Variants in MMRN2 observed in about 807,000 individuals in gnomAD.
MMRN2 encodes multimerin-2.
MMRN2 carries 53 observed loss-of-function variants against 68.8 expected under a neutral mutation model. The ratio of observed to expected loss-of-function variants is 0.77; its 90% CI spans 0.62 to 0.97. The LOEUF is 0.97. Among genes scored for constraint, MMRN2 ranks in the 50% least tolerant of loss-of-function variants. MMRN2 has a pLI of 0.00. For synonymous variants in MMRN2, 564 were observed against 551.6 expected (o/e 1.02, Z -0.32); for missense variants, 1,266 against 1,259.5 (o/e 1.01, Z -0.08).
chr10:86,952,391 G>T (rs1844157243), intron 1 of MMRN2, among the ~76,000 whole-genome samples: 1 of 152,210 alleles, frequency 6.6e-6, no homozygotes, highest in South Asian at 2.1e-4. Flanking sequence ...TGGAACATGG[G>T]CTCAGTATTG....
chr10:86,938,691 GC>G (rs144197918), intron 6 of MMRN2, among the ~76,000 whole-genome samples: 2,245 of 152,348 alleles, frequency 0.015, 62 homozygotes, highest in African/African-American at 0.052. Flanking sequence ...TAAAACCAAA[GC>G]CTTCAGAGGA....
chr10:86,953,559 G>A (rs1252745088), intron 1 of MMRN2, among the ~76,000 whole-genome samples: 1 of 152,148 alleles, frequency 6.6e-6, no homozygotes, highest in African/African-American at 2.4e-5. Flanking sequence ...GGGAGGAGAG[G>A]GTACTTTCCC....
At chr10:86,956,075 A>G (rs1158253575) in intron 1 of MMRN2, among the ~76,000 whole-genome samples, 1 of 151,940 alleles carries the variant, frequency 6.6e-6, no homozygotes, top group African/African-American at 2.4e-5. Context: ...GTGGCCTGAG[A>G]CTAAGGCGTG....
At position 86,942,453 on chromosome 10, in the gene MMRN2, C is replaced by T. The variant is rs1843986572; in HGVS notation, c.2331G>A (p.Leu777=). 1 of 1,614,056 alleles carries T rather than the reference C, an allele frequency of 6.2e-7. No individual in the cohort carries two copies. Among genetic ancestry groups the T allele is most frequent in the South Asian group, 1.1e-5 (1 of 91,084 alleles). ...SLDLGKLQTM[L]SRKGKKQQKD... The stretch of plus-strand genomic sequence containing the variant: ...TCTGCTGCTTCTTCCCTTTCCTGCT[C>T]AGCATGGTCTGCAGCTTCCCCAGGT... Residue 777 remains leucine (L), a synonymous_variant, in exon 6 of 7, where the codon CTG becomes CTA. Transcript: ENST00000372027.
At chr10:86,941,364 G>C (rs1843960981) in intron 6 of MMRN2, among the ~76,000 whole-genome samples, 1 of 152,146 alleles carries the variant, frequency 6.6e-6, no homozygotes, top group Admixed American at 6.5e-5. Flanking sequence ...ATTAGGCACA[G>C]TAAGAGATTG....
At chr10:86,953,748 C>A (rs187945581) in intron 1 of MMRN2, among the ~76,000 whole-genome samples, 4 of 152,366 alleles carry the variant, frequency 2.6e-5, no homozygotes, top group African/African-American at 9.6e-5. Context: ...TCTAAACAAA[C>A]TTCCATTCCT....
rs746061836 is a variant in MMRN2 at position 86,943,381 on chromosome 10, AGCTGCCGCT to A, written c.1394_1402del (p.Glu465_Leu468delinsVal). Reference sequence around the variant, plus strand: ...CTGCAGCGTGAGGTTGAGCTCCAGGAGCTGCCGCTCCACCTCCTCCTTGTTCTCCTCCAT... The same window carrying A: ...CTGCAGCGTGAGGTTGAGCTCCAGGACCACCTCCTCCTTGTTCTCCTCCAT... On this transcript the variant is annotated inframe_deletion, in exon 6 of 7. Transcript: ENST00000372027. This position sits in a 1 kb window ranked among gnomAD's most constrained non-coding sequence, Gnocchi z 4.2. 6.2e-7 allele frequency: 1 copy of A among 1,613,998 alleles called. No homozygotes were observed. Among genetic ancestry groups the A allele is most frequent in the Non-Finnish European group, 8.5e-7 (1 of 1,180,010 alleles).
At chr10:86,945,909 C>G (rs1052890246) in intron 1 of MMRN2, 1 of 1,321,364 alleles carries the variant, frequency 7.6e-7, no homozygotes. Context: ...ACCACCTTCC[C>G]GAAGCCTCCC....
intron 6 of MMRN2, among the ~76,000 whole-genome samples, chr10:86,941,244 G>A (rs1360046365): frequency 6.6e-6 from 1 of 152,174 alleles, no homozygotes; most frequent in Non-Finnish European, 1.5e-5. Context: ...AGTCCACTGA[G>A]GTGTGTTCCA....
chr10:86,941,077 CA>C (rs1843958151), intron 6 of MMRN2, among the ~76,000 whole-genome samples: 3 of 152,226 alleles, frequency 2.0e-5, no homozygotes, highest in Admixed American at 2.0e-4. Flanking sequence ...GCCTCAGTTT[CA>C]GGTAAGATGG....
At chr10:86,937,697 G>A (rs1267518144) in intron 6 of MMRN2, among the ~76,000 whole-genome samples, 2 of 152,192 alleles carry the variant, frequency 1.3e-5, no homozygotes, top group African/African-American at 4.8e-5. Flanking sequence ...TACATGGTTT[G>A]TAAATGGCAG....
chr10:86,936,637 G>T lies in MMRN2; in HGVS notation c.*106C>A. 3 of 1,405,616 alleles carry T rather than the reference G, an allele frequency of 2.1e-6. No homozygotes were observed. Among genetic ancestry groups the T allele is most frequent in the Non-Finnish European group, 2.9e-6 (3 of 1,024,788 alleles). 87.1% of individuals were successfully genotyped at this position (1,405,616 alleles called of 1,614,324 possible). A position where few individuals can be genotyped will look rare whatever the true frequency, so the allele number is the denominator to read the frequency against. ...CACCATCTTTGCAGAAGGTTTCCAG[G>T]GAAGAGACAGACCAACTGAATGACC... On this transcript the variant is annotated 3_prime_UTR_variant, in exon 7 of 7. Coordinates refer to ENST00000372027, the MANE Select transcript of MMRN2 (RefSeq NM_024756.3).
intron 2 of MMRN2, 30 bp downstream of exon 2, chr10:86,945,531 T>C (rs1844053701): frequency 6.4e-7 from 1 of 1,568,692 alleles, no homozygotes; most frequent in Non-Finnish European, 8.7e-7. Flanking sequence ...GCTCCAGGCC[T>C]GGGCAAATGG....
rs1844023496 is a variant in MMRN2 at position 86,943,886 on chromosome 10, T to C, written c.898A>G (p.Asn300Asp). 1 of 1,613,864 alleles carries C rather than the reference T, an allele frequency of 6.2e-7. No homozygotes were observed. The highest frequency in any genetic ancestry group is 8.5e-7 in the Non-Finnish European group (1 of 1,180,038). Residue 300 changes from asparagine to aspartate, a missense_variant, in exon 6 of 7, where the codon AAC (asparagine) becomes GAC (aspartate). Coordinates refer to ENST00000372027, the MANE Select transcript of MMRN2 (RefSeq NM_024756.3). This position sits in a 1 kb window ranked among gnomAD's most constrained non-coding sequence, Gnocchi z 4.2. ...CGCAGCTGACCCACTCTCTGAGTGT[T>C]CTCCTGGACCTTGGCCTCAAATTTG... ...GAKFEAKVQE[N>D]TQRVGQLRQD...
At chr10:86,938,284 T>C (rs1317965622) in intron 6 of MMRN2, among the ~76,000 whole-genome samples, 1 of 152,152 alleles carries the variant, frequency 6.6e-6, no homozygotes, top group Non-Finnish European at 1.5e-5. Context: ...AGAAAAAGCT[T>C]ATTGCTCCAG....
At chr10:86,946,557 AC>A (rs1844071745) in intron 1 of MMRN2, among the ~76,000 whole-genome samples, 1 of 152,156 alleles carries the variant, frequency 6.6e-6, no homozygotes, top group Admixed American at 6.5e-5. Context: ...CTGGCCCTTC[AC>A]CAGCATGTAC....
At chr10:86,951,570 T>C (rs965951989) in intron 1 of MMRN2, among the ~76,000 whole-genome samples, 2 of 152,160 alleles carry the variant, frequency 1.3e-5, no homozygotes, top group Non-Finnish European at 2.9e-5. Flanking sequence ...AATGACAACA[T>C]ATAAATGAAC....
intron 6 of MMRN2, among the ~76,000 whole-genome samples, chr10:86,937,806 GTAA>G (rs1240530528): frequency 2.6e-5 from 4 of 152,160 alleles, no homozygotes; most frequent in Admixed American, 6.5e-5. Context: ...CATCCTCAAG[GTAA>G]TAATAATGCT....
chr10:86,955,024 C>T (rs1164127484), intron 1 of MMRN2, among the ~76,000 whole-genome samples: 2 of 152,218 alleles, frequency 1.3e-5, no homozygotes, highest in Non-Finnish European at 2.9e-5. Flanking sequence ...AGGCTGGTGA[C>T]TGGGGCCAAC....
Sources: gnomAD v4.1 joint callset for allele counts (sites outside exome capture counted in the v4.1 genomes callset) on GRCh38, gnomAD v4.1.1 for gene constraint, Gnocchi (gnomAD v3.1) non-coding constraint, MANE v1.5 for transcripts, NCBI Gene and HGNC (gene_info 2026-07-23, HGNC 2026-07-21) for gene names.